The following CAB39L variants were observed in gnomAD, a reference collection of about 807,000 sequenced individuals.
The protein encoded by CAB39L is calcium-binding protein 39-like.
Under a neutral mutation model 39.1 loss-of-function variants are expected in CAB39L, and 23 were observed. That is an observed-to-expected ratio of 0.59 (90% confidence interval 0.42 to 0.83). CAB39L has a LOEUF of 0.83. Ranked by LOEUF, CAB39L falls within the 40% of genes least tolerant of loss-of-function variation. The probability of loss-of-function intolerance (pLI) is 0.00; values close to 1 mark genes in which losing one functional copy is unlikely to be tolerated. For synonymous variants in CAB39L, 126 were observed against 137.2 expected (o/e 0.92, Z 0.57); for missense variants, 366 against 391.9 (o/e 0.93, Z 0.56).
At chr13:49,393,536 A>C (rs1397493717) in intron 3 of CAB39L, among the ~76,000 whole-genome samples, 1 of 151,976 alleles carries the variant, frequency 6.6e-6, no homozygotes, top group Non-Finnish European at 1.5e-5. Context: ...AATCTTAATG[A>C]CATTATCTAA....
intron 3 of CAB39L, among the ~76,000 whole-genome samples, chr13:49,431,298 T>C (rs559336044): frequency 2.0e-5 from 3 of 152,332 alleles, no homozygotes; most frequent in Non-Finnish European, 2.9e-5. Flanking sequence ...CTGGGGTTCA[T>C]CCACTTTGTT....
rs1209208969 is a variant in CAB39L at position 49,377,388 on chromosome 13, G to GCTCTCC, written c.112-263_112-258dup. The stretch of plus-strand genomic sequence containing the variant: ...CGGGGCTATACAAGAAACTTTTTCG[G>GCTCTCC]CTCTCCCTCTCCCTCTCCCTCTCCC... On this transcript the variant is annotated intron_variant, in intron 4 of 10. Transcript: ENST00000409308. Among the ~76,000 whole-genome samples, 242 of 87,362 alleles carry GCTCTCC rather than the reference G, an allele frequency of 2.8e-3. 65 individuals are homozygous for GCTCTCC. The highest frequency in any genetic ancestry group is 5.8e-3 in the South Asian group (16 of 2,776). 57.3% of individuals were successfully genotyped at this position (87,362 alleles called of 152,430 possible).
chr13:49,363,877 G>GAAA (rs56879511), intron 5 of CAB39L, among the ~76,000 whole-genome samples: 1 of 147,002 alleles, frequency 6.8e-6, no homozygotes, highest in Non-Finnish European at 1.5e-5. Flanking sequence ...CTGAATGGAT[G>GAAA]AAAAAAAAAC....
intron 3 of CAB39L, among the ~76,000 whole-genome samples, chr13:49,400,329 T>C (rs187539833): frequency 6.6e-6 from 1 of 152,154 alleles, no homozygotes; most frequent in East Asian, 1.9e-4. Context: ...AAAAGATATA[T>C]ATAATTGGCA....
intron 3 of CAB39L, among the ~76,000 whole-genome samples, chr13:49,383,450 T>C (rs1341581900): frequency 6.6e-6 from 1 of 152,158 alleles, no homozygotes; most frequent in East Asian, 1.9e-4. Flanking sequence ...TATACCTTTT[T>C]CCATTATTTT....
chr13:49,423,331 T>C (rs1594089694), intron 3 of CAB39L, among the ~76,000 whole-genome samples: 1 of 152,210 alleles, frequency 6.6e-6, no homozygotes, highest in African/African-American at 2.4e-5. Flanking sequence ...ATGATGCCTG[T>C]GCAGATCACA....
At chr13:49,344,113 T>A (rs536275892) in intron 8 of CAB39L, 66 bp downstream of exon 8, 12 of 925,450 alleles carry the variant, frequency 1.3e-5, no homozygotes, top group Non-Finnish European at 2.1e-5. Context: ...CAGGGGCAAT[T>A]GCTCATAGAT....
At chr13:49,377,904 T>C (rs1177270079) in intron 4 of CAB39L, among the ~76,000 whole-genome samples, 4 of 76,588 alleles carry the variant, frequency 5.2e-5, no homozygotes, top group South Asian at 4.7e-4. Context: ...ATCTAGGAAG[T>C]GAGGAGCGCC....
intron 1 of CAB39L, among the ~76,000 whole-genome samples, chr13:49,434,425 A>G (rs944343476): frequency 6.6e-6 from 1 of 152,248 alleles, no homozygotes; most frequent in Non-Finnish European, 1.5e-5. Flanking sequence ...CAAAGTGTCT[A>G]CCATATAACA....
rs1337961053 is a variant in CAB39L, at chr13:49,439,928, T to TTTG, written c.-246+4057_-246+4058insCAA. 3.0e-5 allele frequency among the ~76,000 whole-genome samples: 4 copies of TTTG among 134,444 alleles called. No homozygotes were observed. The South Asian group carries it at 1.1e-3, about 38-fold the overall frequency. The allele number at this position is 134,444 out of a possible 152,430, so 88.2% of individuals were successfully genotyped here. On this transcript the variant is annotated intron_variant, in intron 1 of 10. Coordinates refer to ENST00000409308, the MANE Select transcript of CAB39L (RefSeq NM_001079670.3). ...TTGACCACTTTTTAATGGGTTTTTTTTTTTTTTTTTTTTGCTTGTTGAATT... is the reference window on the plus strand; with the variant it reads ...TTGACCACTTTTTAATGGGTTTTTTTTTGTTTTTTTTTTTTTGCTTGTTGAATT...
chr13:49,395,329 G>A (rs971428786), intron 3 of CAB39L, among the ~76,000 whole-genome samples: 4 of 151,118 alleles, frequency 2.6e-5, no homozygotes, highest in African/African-American at 9.7e-5. Flanking sequence ...TCCGCCCCCC[G>A]GGTTCAAGCG....
At chr13:49,358,302 A>G (rs1198979884) in intron 6 of CAB39L, among the ~76,000 whole-genome samples, 1 of 152,246 alleles carries the variant, frequency 6.6e-6, no homozygotes, top group Non-Finnish European at 1.5e-5. Flanking sequence ...TGCAATCATA[A>G]TAATCTAAAT....
chr13:49,439,615 T>C, intron 1 of CAB39L, among the ~76,000 whole-genome samples: 1 of 152,220 alleles, frequency 6.6e-6, no homozygotes, highest in Non-Finnish European at 1.5e-5. Flanking sequence ...AATAATGGGA[T>C]TGCTGGTCAA....
intron 5 of CAB39L, among the ~76,000 whole-genome samples, chr13:49,375,404 A>G (rs2138559651): frequency 6.6e-6 from 1 of 152,320 alleles, no homozygotes; most frequent in East Asian, 1.9e-4. Flanking sequence ...GAAACAGAAA[A>G]GTATATACAT....
At chr13:49,328,604 G>C (rs1044956163) in intron 10 of CAB39L, among the ~76,000 whole-genome samples, 1 of 152,088 alleles carries the variant, frequency 6.6e-6, no homozygotes, top group Non-Finnish European at 1.5e-5. Flanking sequence ...GCCAAGGCAG[G>C]AGGATCACTT....
intron 6 of CAB39L, among the ~76,000 whole-genome samples, chr13:49,352,300 T>G (rs1281066564): frequency 6.6e-6 from 1 of 152,052 alleles, no homozygotes; most frequent in African/African-American, 2.4e-5. Context: ...CAGTGTGTGA[T>G]AAGATTTCAA....
chr13:49,425,394 T>C (rs1029293706), intron 3 of CAB39L, among the ~76,000 whole-genome samples: 2 of 152,144 alleles, frequency 1.3e-5, no homozygotes, highest in African/African-American at 2.4e-5. Flanking sequence ...AATATCCATA[T>C]ACAAAAATAT....
chr13:49,440,715 AGTGTGT>A (rs56314282), intron 1 of CAB39L, among the ~76,000 whole-genome samples: 4,231 of 135,302 alleles, frequency 0.031, 116 homozygotes, highest in African/African-American at 0.072. Flanking sequence ...ATTCCTAGGC[AGTGTGT>A]GTGTGTGTGT....
intron 3 of CAB39L, among the ~76,000 whole-genome samples, chr13:49,422,141 C>A (rs560765835): frequency 3.8e-4 from 58 of 152,116 alleles, no homozygotes; most frequent in Non-Finnish European, 5.1e-4. Flanking sequence ...AATCTTCTGG[C>A]CCTTCAGATT....
Sources: gnomAD v4.1 joint callset for allele counts (sites outside exome capture counted in the v4.1 genomes callset) on GRCh38, gnomAD v4.1.1 for gene constraint, MANE v1.5 for transcripts, NCBI Gene and HGNC (gene_info 2026-07-23, HGNC 2026-07-21) for gene names.